Variants in TANC2 observed in about 807,000 individuals in gnomAD.
The protein encoded by TANC2 is protein TANC2.
TANC2 carries 26 observed loss-of-function variants against 210.5 expected under a neutral mutation model. The observed-to-expected ratio is 0.12, with a 90% CI of 0.09 to 0.17. The LOEUF is 0.17. Ranked by LOEUF, TANC2 falls within the 10% of genes least tolerant of loss-of-function variation. The pLI, the probability that TANC2 is intolerant of heterozygous loss-of-function variation, is 1.00. For synonymous variants in TANC2, 931 were observed against 967.1 expected (o/e 0.96, Z 0.69); for missense variants, 2,129 against 2,608.9 (o/e 0.82, Z 4.01).
chr17:63,165,305 A>G (rs896014121), intron 5 of TANC2, among the ~76,000 whole-genome samples: 2 of 152,162 alleles, frequency 1.3e-5, no homozygotes, highest in African/African-American at 2.4e-5. Flanking sequence ...GCACTTGACA[A>G]AGTTCCAGTT....
At chr17:63,220,857 C>CA in intron 7 of TANC2, among the ~76,000 whole-genome samples, 1 of 148,114 alleles carries the variant, frequency 6.8e-6, no homozygotes, top group Non-Finnish European at 1.5e-5. Context: ...TACGTATATA[C>CA]GTATATATGT....
chr17:63,135,569 TAGGA>T (rs1389078365), intron 4 of TANC2, among the ~76,000 whole-genome samples: 1 of 152,118 alleles, frequency 6.6e-6, no homozygotes, highest in Non-Finnish European at 1.5e-5. Flanking sequence ...AATTTAAAAA[TAGGA>T]AGGCCATATA....
At chr17:63,167,020 T>C (rs2040233181) in intron 5 of TANC2, among the ~76,000 whole-genome samples, 1 of 152,142 alleles carries the variant, frequency 6.6e-6, no homozygotes, top group African/African-American at 2.4e-5. Flanking sequence ...AAAAGAATTA[T>C]GAATGGAGAA....
At chr17:63,231,172 G>A (rs965553377) in intron 7 of TANC2, among the ~76,000 whole-genome samples, 2 of 152,114 alleles carry the variant, frequency 1.3e-5, no homozygotes, top group Admixed American at 6.6e-5. Context: ...TTGCATTTGA[G>A]ATGGGTCTCT....
intron 4 of TANC2, among the ~76,000 whole-genome samples, chr17:63,100,853 A>G (rs1447468096): frequency 2.0e-5 from 3 of 152,202 alleles, no homozygotes; most frequent in African/African-American, 7.2e-5. Context: ...TCACAGAGGT[A>G]TTGTAGTGAA....
chr17:63,309,697 A>C (rs1368800071), intron 9 of TANC2, among the ~76,000 whole-genome samples: 1 of 152,188 alleles, frequency 6.6e-6, no homozygotes, highest in Non-Finnish European at 1.5e-5. Flanking sequence ...AAGATTTCTT[A>C]TGGTAAATTT....
At chr17:63,184,634 TAAAA>T (rs1269595996) in intron 5 of TANC2, among the ~76,000 whole-genome samples, 1 of 151,666 alleles carries the variant, frequency 6.6e-6, no homozygotes, top group Non-Finnish European at 1.5e-5. Flanking sequence ...TTTATATAAA[TAAAA>T]TCATTTAGTA....
chr17:63,253,292 AT>A (rs1255590932), intron 8 of TANC2, among the ~76,000 whole-genome samples: 2 of 152,014 alleles, frequency 1.3e-5, no homozygotes, highest in Non-Finnish European at 2.9e-5. Flanking sequence ...GTGTTACTAG[AT>A]TTTTTTCCTA....
chr17:63,313,334 T>C (rs2045193545), intron 9 of TANC2: 2 of 152,238 alleles, frequency 1.3e-5, no homozygotes, highest in Non-Finnish European at 2.9e-5. Context: ...GATAAAGTGA[T>C]ACGTCTTAGA....
chr17:62,976,950 T>C (rs1021936370), intron 1 of TANC2, among the ~76,000 whole-genome samples: 2 of 152,200 alleles, frequency 1.3e-5, no homozygotes, highest in East Asian at 1.9e-4. Context: ...AAATACAGAA[T>C]GTGAGGTCCC....
At chr17:63,065,558 C>T (rs2036165710) in intron 2 of TANC2, among the ~76,000 whole-genome samples, 1 of 152,190 alleles carries the variant, frequency 6.6e-6, no homozygotes, top group Admixed American at 6.5e-5. Context: ...CTTTTCTCCA[C>T]ATCCCTAGCA....
chr17:63,309,094 G>A (rs2907466), intron 9 of TANC2, among the ~76,000 whole-genome samples: 90,831 of 151,880 alleles, frequency 0.6, 29,662 homozygotes, highest in African/African-American at 0.86. Context: ...TTTAATGTCT[G>A]TGTAATTTTT....
At chr17:63,020,987 T>G (rs2034322444) in intron 2 of TANC2, among the ~76,000 whole-genome samples, 1 of 152,070 alleles carries the variant, frequency 6.6e-6, no homozygotes, top group Admixed American at 6.5e-5. Flanking sequence ...AACTCCCTCA[T>G]TACCATGGGG....
intron 9 of TANC2, among the ~76,000 whole-genome samples, chr17:63,279,688 G>A (rs2146341391): frequency 6.6e-6 from 1 of 152,212 alleles, no homozygotes; most frequent in South Asian, 2.1e-4. Flanking sequence ...TAGACTAGGT[G>A]CAGCAATCCT....
intron 1 of TANC2, among the ~76,000 whole-genome samples, chr17:62,968,854 A>G (rs1480542952): frequency 2.6e-5 from 4 of 152,200 alleles, no homozygotes; most frequent in African/African-American, 9.7e-5. Context: ...ATTTGATGTT[A>G]GGAATTCAGA....
At chr17:63,317,409 C>CA (rs893988795) in intron 10 of TANC2, among the ~76,000 whole-genome samples, 2 of 151,390 alleles carry the variant, frequency 1.3e-5, no homozygotes. Flanking sequence ...CCAAACCTGA[C>CA]ACCCCCATCA....
intron 8 of TANC2, among the ~76,000 whole-genome samples, chr17:63,244,175 C>T (rs927409212): frequency 1.8e-4 from 27 of 152,124 alleles, no homozygotes; most frequent in African/African-American, 5.8e-4. Context: ...AGTAAGCAGG[C>T]GGGTCATTTT....
intron 3 of TANC2, among the ~76,000 whole-genome samples, chr17:63,074,258 A>G (rs1345751117): frequency 4.6e-5 from 7 of 152,088 alleles, no homozygotes; most frequent in Admixed American, 1.3e-4. Context: ...TTGAAGCATT[A>G]TGGTATATAT....
At chr17:63,046,941 GT>G (rs1370101067) in intron 2 of TANC2, among the ~76,000 whole-genome samples, 1 of 152,014 alleles carries the variant, frequency 6.6e-6, no homozygotes, top group African/African-American at 2.4e-5. Context: ...AAGAGGTTGT[GT>G]TTTTTTCTTG....
Sources: allele counts gnomAD v4.1 joint callset (sites outside exome capture counted in the v4.1 genomes callset), GRCh38; gene constraint gnomAD v4.1.1; transcripts MANE v1.5; gene names NCBI Gene and HGNC (gene_info 2026-07-23, HGNC 2026-07-21).